The following ELSPBP1 variants were observed in gnomAD, a reference collection of about 807,000 sequenced individuals.
ELSPBP1 encodes the protein epididymal sperm binding protein 1.
A neutral mutation model predicts 33.3 loss-of-function variants in ELSPBP1; 38 were observed. That is an observed-to-expected ratio of 1.14 (90% confidence interval 0.88 to 1.50). The LOEUF (loss-of-function observed/expected upper bound fraction) is 1.50. ELSPBP1 is among the 40% of genes most tolerant of loss of function. The probability of loss-of-function intolerance (pLI) is 0.00; values close to 1 mark genes in which losing one functional copy is unlikely to be tolerated. For synonymous variants in ELSPBP1, 85 were observed against 94.1 expected (o/e 0.90, Z 0.56); for missense variants, 267 against 263.5 (o/e 1.01, Z -0.09).
chr19:48,000,244 T>TC (rs1027354466), intron 1 of ELSPBP1, among the ~76,000 whole-genome samples: 7 of 7,868 alleles, frequency 8.9e-4, no homozygotes, highest in Non-Finnish European at 1.6e-3. Context: ...CCCTCCCCCA[T>TC]CCCCCATAGA....
intron 1 of ELSPBP1, among the ~76,000 whole-genome samples, chr19:47,995,950 A>G (rs1966908393): frequency 6.6e-6 from 1 of 152,206 alleles, no homozygotes; most frequent in Admixed American, 6.5e-5. Flanking sequence ...GCTGTGGGCT[A>G]AGCTGCCTCT....
rs944802652 is a variant in ELSPBP1 at position 48,018,382 on chromosome 19, T to C, written c.356-1337T>C. Among the ~76,000 whole-genome samples, 4 of 149,818 alleles carry C rather than the reference T, an allele frequency of 2.7e-5. No individual in the cohort carries two copies. The South Asian group carries it at 8.6e-4, about 32-fold the overall frequency. On this transcript the variant is annotated intron_variant, in intron 4 of 6. Coordinates refer to ENST00000339841, the MANE Select transcript of ELSPBP1 (RefSeq NM_022142.5). ...GGTACCCAAGAAATGTGAGCTTTCT[T>C]CTGCTATCATCTGAGACACTAGGCA...
chr19:47,996,309 G>C (rs1966911088), intron 1 of ELSPBP1, among the ~76,000 whole-genome samples: 2 of 152,154 alleles, frequency 1.3e-5, no homozygotes, highest in Non-Finnish European at 2.9e-5. Flanking sequence ...CAGAAATCAT[G>C]TATGGTTCCT....
chr19:48,017,883 TGAGA>T lies in ELSPBP1; in HGVS notation c.356-1835_356-1832del, dbSNP rs1487560294. Among the ~76,000 whole-genome samples the T allele has an allele frequency of 1.1e-4, 13 of 113,714 alleles. No homozygotes were observed. The Admixed American group carries it at 1.7e-3, about 15-fold the overall frequency. The allele number at this position is 113,714 out of a possible 152,430, so 74.6% of individuals were successfully genotyped here. A position where few individuals can be genotyped will look rare whatever the true frequency, so the allele number is the denominator to read the frequency against. On this transcript the variant is annotated intron_variant, in intron 4 of 6. Coordinates refer to ENST00000339841, the MANE Select transcript of ELSPBP1 (RefSeq NM_022142.5). The stretch of plus-strand genomic sequence containing the variant: ...TGGCATTCCAGCCTGGGCAACAGAG[TGAGA>T]TCTTGTCTCAAAAAAAAAAAAAAAA...
intron 6 of ELSPBP1, among the ~76,000 whole-genome samples, chr19:48,022,929 T>C (rs1324614293): frequency 9.2e-5 from 14 of 151,772 alleles, no homozygotes; most frequent in African/African-American, 3.1e-4. Context: ...CACACATCTG[T>C]AGTCCCAGCT....
intron 6 of ELSPBP1, among the ~76,000 whole-genome samples, chr19:48,023,604 G>A: frequency 6.8e-6 from 1 of 146,662 alleles, no homozygotes; most frequent in East Asian, 2.0e-4. Context: ...AAGGGAGGGA[G>A]GGAGGGAAGA....
intron 3 of ELSPBP1, 121 bp downstream of exon 3, chr19:48,014,429 C>A (rs138357579): frequency 3.8e-6 from 4 of 1,061,240 alleles, no homozygotes; most frequent in African/African-American, 3.3e-5. Flanking sequence ...CGTATGCGTG[C>A]GTAGAAAAGG....
chr19:48,007,322 G>T (rs192472103), intron 1 of ELSPBP1, among the ~76,000 whole-genome samples: 37 of 152,238 alleles, frequency 2.4e-4, no homozygotes, highest in Non-Finnish European at 1.5e-5. Context: ...GATACATCAC[G>T]TACCAGCTGT....
At chr19:48,014,414 T>C (rs1967109923) in intron 3 of ELSPBP1, 106 bp downstream of exon 3, 1 of 1,293,196 alleles carries the variant, frequency 7.7e-7, no homozygotes, top group African/African-American at 1.5e-5. Context: ...AGACAAACGG[T>C]AATACGTATG....
intron 1 of ELSPBP1, among the ~76,000 whole-genome samples, chr19:47,997,496 A>T (rs1028654716): frequency 2.0e-4 from 30 of 152,210 alleles, no homozygotes; most frequent in African/African-American, 7.2e-4. Context: ...GTATGTGCAT[A>T]TACATGTATA....
intron 6 of ELSPBP1, among the ~76,000 whole-genome samples, chr19:48,024,328 A>C (rs1268949964): frequency 6.6e-6 from 1 of 152,076 alleles, no homozygotes. Flanking sequence ...ATGGTCTCTA[A>C]ATCTCCCGCA....
intron 1 of ELSPBP1, 71 bp from the exon 2 acceptor site, chr19:48,008,580 G>T (rs566664191): frequency 1.1e-5 from 12 of 1,086,662 alleles, no homozygotes; most frequent in Non-Finnish European, 1.5e-5. Context: ...CATGTATGAC[G>T]TCAAATCTAG....
At chr19:48,022,027 C>T (rs959457762) in intron 5 of ELSPBP1, 143 bp from the exon 6 acceptor site, 29 of 706,860 alleles carry the variant, frequency 4.1e-5, no homozygotes, top group South Asian at 2.4e-4. Context: ...GGATTAAATG[C>T]GCGCGATTAA....
intron 4 of ELSPBP1, among the ~76,000 whole-genome samples, chr19:48,017,581 A>G (rs930207736): frequency 5.9e-5 from 9 of 152,120 alleles, no homozygotes; most frequent in African/African-American, 2.2e-4. Context: ...CCTAAACCAA[A>G]TAGATGAATT....
chr19:48,017,883 T>TGA (rs968766533), intron 4 of ELSPBP1, among the ~76,000 whole-genome samples: 2 of 113,714 alleles, frequency 1.8e-5, no homozygotes, highest in Non-Finnish European at 3.3e-5. Flanking sequence ...GGCAACAGAG[T>TGA]GAGATCTTGT....
At chr19:47,995,141 A>G (rs2122281823) in intron 1 of ELSPBP1, among the ~76,000 whole-genome samples, 1 of 152,318 alleles carries the variant, frequency 6.6e-6, no homozygotes, top group African/African-American at 2.4e-5. Context: ...ACATAGAACA[A>G]TTTGAACTTT....
intron 1 of ELSPBP1, among the ~76,000 whole-genome samples, chr19:47,996,753 AT>A (rs1966915967): frequency 6.6e-6 from 1 of 152,170 alleles, no homozygotes; most frequent in Non-Finnish European, 1.5e-5. Context: ...CAGAGAAAAA[AT>A]TTCTCAGAAG....
intron 6 of ELSPBP1, among the ~76,000 whole-genome samples, chr19:48,023,501 A>AGGGAAGGG (rs1967232773): frequency 1.0e-5 from 1 of 97,886 alleles, no homozygotes; most frequent in South Asian, 3.8e-4. Flanking sequence ...GGAGGGAAGG[A>AGGGAAGGG]AAAGAGGAAG....
At chr19:47,999,195 T>C (rs1278008422) in intron 1 of ELSPBP1, among the ~76,000 whole-genome samples, 1 of 152,224 alleles carries the variant, frequency 6.6e-6, no homozygotes, top group Non-Finnish European at 1.5e-5. Context: ...TTATTATTTT[T>C]TTTCATTGCA....
Sources: allele counts gnomAD v4.1 joint callset (sites outside exome capture counted in the v4.1 genomes callset), GRCh38; gene constraint gnomAD v4.1.1; transcripts MANE v1.5; gene names NCBI Gene and HGNC (gene_info 2026-07-23, HGNC 2026-07-21).